The following KCNU1 variants were observed in gnomAD, a reference collection of about 807,000 sequenced individuals.
The protein encoded by KCNU1 is potassium channel subfamily U member 1.
In KCNU1, 93 loss-of-function variants were observed where a neutral mutation model predicts 126.8. The observed-to-expected ratio is 0.73, with a 90% CI of 0.62 to 0.87. The LOEUF is 0.87. Ranked by LOEUF, KCNU1 falls within the 40% of genes least tolerant of loss-of-function variation. KCNU1 has a pLI of 0.00. For synonymous variants in KCNU1, 523 were observed against 494.2 expected (o/e 1.06, Z -0.77); for missense variants, 1,330 against 1,367.1 (o/e 0.97, Z 0.43).
At chr8:36,819,903 T>C (rs1299060198) in intron 10 of KCNU1, among the ~76,000 whole-genome samples, 1 of 152,154 alleles carries the variant, frequency 6.6e-6, no homozygotes, top group African/African-American at 2.4e-5. Context: ...GTGGCTTAAT[T>C]TGATAAATAG....
rs1025562711 is a variant in KCNU1, at chr8:36,879,755, C to G, written c.2009+15234C>G. Among the ~76,000 whole-genome samples the G allele has an allele frequency of 2.6e-5, 4 of 152,294 alleles. No individual in the cohort carries two copies. The East Asian group carries it at 7.7e-4, about 29-fold the overall frequency. On this transcript the variant is annotated intron_variant, in intron 19 of 26. Coordinates refer to ENST00000399881, the MANE Select transcript of KCNU1 (RefSeq NM_001031836.3). Reference sequence around the variant, plus strand: ...TTTCCCTCAGGTGAAATTTACCTGGCAACTGTAATAGTAAATCACTAGGAC... The same window carrying G: ...TTTCCCTCAGGTGAAATTTACCTGGGAACTGTAATAGTAAATCACTAGGAC...
chr8:36,804,137 C>G (rs959229812), intron 3 of KCNU1, 49 bp downstream of exon 3: 8 of 1,302,718 alleles, frequency 6.1e-6, no homozygotes, highest in Non-Finnish European at 8.6e-6. Flanking sequence ...GTACATTGCT[C>G]GGCTAATTTG....
chr8:36,836,762 A>C (rs764165591), intron 13 of KCNU1, 31 bp from the exon 14 acceptor site: 19 of 1,607,938 alleles, frequency 1.2e-5, no homozygotes, highest in Non-Finnish European at 1.6e-5. Context: ...GTTTATTCCT[A>C]ATGTTTGACC....
intron 9 of KCNU1, 141 bp downstream of exon 9, chr8:36,815,828 C>T (rs1446616846): frequency 9.1e-6 from 5 of 550,256 alleles, no homozygotes; most frequent in Non-Finnish European, 1.3e-5. Flanking sequence ...CTAAAAAGGA[C>T]TGTGCTAAAC....
chr8:36,845,919 G>T lies in KCNU1; in HGVS notation c.1891+20G>T, dbSNP rs1244550962. On this transcript the variant is annotated intron_variant, in intron 18 of 26. Coordinates refer to ENST00000399881, the MANE Select transcript of KCNU1 (RefSeq NM_001031836.3). Reference sequence around the variant, plus strand: ...TCACAGGTAATTGCACTTTATTTCTGGCTGTCCTTAGCCCAGCCTCTAGGG... The same window carrying T: ...TCACAGGTAATTGCACTTTATTTCTTGCTGTCCTTAGCCCAGCCTCTAGGG... The T allele has an allele frequency of 6.7e-7, 1 of 1,487,188 alleles. No individual in the cohort carries two copies. Among genetic ancestry groups the T allele is most frequent in the Non-Finnish European group, 9.3e-7 (1 of 1,078,670 alleles). 92.1% of individuals were successfully genotyped at this position (1,487,188 alleles called of 1,614,324 possible). A position where few individuals can be genotyped will look rare whatever the true frequency, so the allele number is the denominator to read the frequency against.
rs1803506392 is a variant in KCNU1, at chr8:36,806,438, T to G, written c.580+58T>G. The G allele has an allele frequency of 1.8e-5, 15 of 855,468 alleles. No homozygotes were observed. In the South Asian group the frequency reaches 2.5e-4, roughly 14 times the overall value. The allele number at this position is 855,468 out of a possible 1,614,324, so 53.0% of individuals were successfully genotyped here. A position where few individuals can be genotyped will look rare whatever the true frequency, so the allele number is the denominator to read the frequency against. ...TATGAATAAAATAAAAACTCAACAT[T>G]CATTTGTAAGTATCTATTTTTCATT... is the stretch of plus-strand genomic sequence containing the variant. On this transcript the variant is annotated intron_variant, in intron 5 of 26. Coordinates refer to ENST00000399881, the MANE Select transcript of KCNU1 (RefSeq NM_001031836.3).
chr8:36,846,392 A>C (rs1488289114), intron 18 of KCNU1, among the ~76,000 whole-genome samples: 2 of 152,186 alleles, frequency 1.3e-5, no homozygotes, highest in Admixed American at 6.5e-5. Context: ...GAGGGAATGT[A>C]ATTTTCTCTA....
At chr8:36,867,881 TC>T (rs1281050990) in intron 19 of KCNU1, among the ~76,000 whole-genome samples, 1 of 152,152 alleles carries the variant, frequency 6.6e-6, no homozygotes, top group Non-Finnish European at 1.5e-5. Context: ...ACCCAGTCTG[TC>T]AGCCCTATTT....
chr8:36,837,278 A>G (rs1487418892), intron 14 of KCNU1, among the ~76,000 whole-genome samples: 2 of 152,208 alleles, frequency 1.3e-5, no homozygotes, highest in East Asian at 3.8e-4. Flanking sequence ...TGAAAATATA[A>G]ATAAAGGTTA....
chr8:36,848,167 T>A (rs979718805), intron 18 of KCNU1, among the ~76,000 whole-genome samples: 1 of 152,222 alleles, frequency 6.6e-6, no homozygotes, highest in Non-Finnish European at 1.5e-5. Flanking sequence ...TTTTTTGCCA[T>A]CAAGTTCCTT....
At position 36,836,795 on chromosome 8, in the gene KCNU1, T is replaced by C. The variant is rs540508917; in HGVS notation, c.1368T>C (p.Val456=). The C allele has an allele frequency of 1.7e-5, 28 of 1,613,730 alleles. No homozygotes were observed. In the South Asian group the frequency reaches 2.9e-4, roughly 16 times the overall value. ...ACCTGCTTTGTGCTATGGAACAGGT[T>C]TATCTGCCAAAGATTCCCAGCTGGA... ...IIQILQSHNK[V]YLPKIPSWNW... Residue 456 remains valine (V), a splice_region_variant and synonymous_variant, in exon 14 of 27, where the codon GTT becomes GTC. Transcript: ENST00000399881.
intron 19 of KCNU1, among the ~76,000 whole-genome samples, chr8:36,897,612 A>G (rs1211860589): frequency 2.0e-5 from 3 of 151,998 alleles, no homozygotes; most frequent in Non-Finnish European, 4.4e-5. Context: ...TTTCATTTTC[A>G]TTCACCTTTA....
chr8:36,816,067 A>G (rs2130467965), intron 9 of KCNU1, among the ~76,000 whole-genome samples: 1 of 151,828 alleles, frequency 6.6e-6, no homozygotes, highest in Admixed American at 6.6e-5. Flanking sequence ...ACTTTACATA[A>G]TGGATCGGAT....
intron 19 of KCNU1, among the ~76,000 whole-genome samples, chr8:36,876,119 A>G (rs917939116): frequency 6.6e-6 from 1 of 151,882 alleles, no homozygotes; most frequent in East Asian, 1.9e-4. Context: ...CAGTTCCAGT[A>G]TCTCCTGCCC....
At chr8:36,882,852 G>A (rs1806539088) in intron 19 of KCNU1, among the ~76,000 whole-genome samples, 1 of 152,102 alleles carries the variant, frequency 6.6e-6, no homozygotes, top group Non-Finnish European at 1.5e-5. Flanking sequence ...CAAACTGCTG[G>A]GATTACAGGC....
intron 19 of KCNU1, among the ~76,000 whole-genome samples, chr8:36,893,324 G>C (rs1052880244): frequency 1.3e-5 from 2 of 148,436 alleles, no homozygotes; most frequent in African/African-American, 2.5e-5. Flanking sequence ...GATTTTTATG[G>C]GTCTTTTTTT....
In KCNU1 at chr8:36,884,463, C is replaced by T. The variant is rs141229338; in HGVS notation, c.2009+19942C>T. Among the ~76,000 whole-genome samples, 63 of 152,146 alleles carry T rather than the reference C, an allele frequency of 4.1e-4. No individual in the cohort carries two copies. The East Asian group carries it at 0.011, about 26-fold the overall frequency. On this transcript the variant is annotated intron_variant, in intron 19 of 26. Transcript: ENST00000399881. ...ACATTTGAAAACCAGTAGCCGGGCG[C>T]GGTGGCTCATGCCTGTAATCCCAGC...
chr8:36,825,501 C>A (rs1001459624), intron 10 of KCNU1, among the ~76,000 whole-genome samples: 1 of 151,604 alleles, frequency 6.6e-6, no homozygotes, highest in Non-Finnish European at 1.5e-5. Context: ...TCTTGCACCT[C>A]TGCTCTTCCT....
chr8:36,803,934 A>G lies in KCNU1; in HGVS notation c.316-93A>G, dbSNP rs550812920. On this transcript the variant is annotated intron_variant, in intron 2 of 26. Transcript: ENST00000399881. The stretch of plus-strand genomic sequence containing the variant: ...TATGTGAATAAATGGCTACACGTAC[A>G]CAGGCATGGTAAAAAGAGAAAACAC... The G allele has an allele frequency of 6.5e-5, 52 of 796,862 alleles. No homozygotes were observed. In the African/African-American group the frequency reaches 8.2e-4, roughly 13 times the overall value. 49.4% of individuals were successfully genotyped at this position (796,862 alleles called of 1,614,324 possible).
Sources: allele counts gnomAD v4.1 joint callset (sites outside exome capture counted in the v4.1 genomes callset), GRCh38; gene constraint gnomAD v4.1.1; transcripts MANE v1.5; gene names NCBI Gene and HGNC (gene_info 2026-07-23, HGNC 2026-07-21).